Variants in ARFIP1 observed in about 807,000 individuals in gnomAD.
ARFIP1 encodes the protein arfaptin-1.
ARFIP1 carries 24 observed loss-of-function variants against 42.5 expected under a neutral mutation model. The observed-to-expected ratio is 0.57, with a 90% CI of 0.41 to 0.80. The LOEUF is 0.80. Among genes scored for constraint, ARFIP1 ranks in the 30% least tolerant of loss-of-function variants. The probability of loss-of-function intolerance (pLI) is 0.00; values close to 1 mark genes in which losing one functional copy is unlikely to be tolerated. For synonymous variants in ARFIP1, 141 were observed against 153.7 expected (o/e 0.92, Z 0.61); for missense variants, 354 against 434.0 (o/e 0.82, Z 1.64).
chr4:152,799,900 AT>A (rs1189866761), intron 1 of ARFIP1, among the ~76,000 whole-genome samples: 2 of 152,188 alleles, frequency 1.3e-5, no homozygotes, highest in Non-Finnish European at 2.9e-5. Context: ...TAAACTAGAA[AT>A]TTCCTGCTCA....
intron 1 of ARFIP1, among the ~76,000 whole-genome samples, chr4:152,792,947 C>A (rs188264018): frequency 6.6e-6 from 1 of 152,206 alleles, no homozygotes; most frequent in African/African-American, 2.4e-5. Flanking sequence ...TTAGCAAATA[C>A]CTCTGGCTGA....
At chr4:152,845,202 A>C (rs557927412) in intron 2 of ARFIP1, among the ~76,000 whole-genome samples, 1 of 152,360 alleles carries the variant, frequency 6.6e-6, no homozygotes, top group South Asian at 2.1e-4. Context: ...CGTATATAAA[A>C]AATTACTTCA....
chr4:152,881,304 T>C (rs753303689), intron 6 of ARFIP1, 120 bp downstream of exon 6: 4 of 771,262 alleles, frequency 5.2e-6, no homozygotes, highest in Non-Finnish European at 8.2e-6. Flanking sequence ...TGAGATTCTC[T>C]TTTAAGATAT....
chr4:152,853,068 A>G (rs535090950), intron 2 of ARFIP1, among the ~76,000 whole-genome samples: 1 of 152,308 alleles, frequency 6.6e-6, no homozygotes, highest in Admixed American at 6.5e-5. Context: ...CCTCAGCTAC[A>G]GTTGTCTCCA....
intron 1 of ARFIP1, among the ~76,000 whole-genome samples, chr4:152,829,243 C>T (rs1013458277): frequency 6.6e-6 from 1 of 152,138 alleles, no homozygotes; most frequent in Admixed American, 6.6e-5. Context: ...CTGCCCTGTG[C>T]TCTCATTTGT....
chr4:152,842,599 T>C (rs1732186279), intron 2 of ARFIP1, among the ~76,000 whole-genome samples: 1 of 152,170 alleles, frequency 6.6e-6, no homozygotes, highest in Non-Finnish European at 1.5e-5. Context: ...GGAGGCTTTG[T>C]TCATATTTTC....
chr4:152,847,588 C>T (rs1732666294), intron 2 of ARFIP1, among the ~76,000 whole-genome samples: 1 of 151,658 alleles, frequency 6.6e-6, no homozygotes, highest in East Asian at 1.9e-4. Flanking sequence ...AAGAATTATT[C>T]TTTAAAATTA....
At chr4:152,862,110 C>A (rs868401863) in intron 2 of ARFIP1, among the ~76,000 whole-genome samples, 1 of 152,304 alleles carries the variant, frequency 6.6e-6, no homozygotes, top group Non-Finnish European at 1.5e-5. Context: ...CCTTTAGCGA[C>A]GTTGGCCATG....
At chr4:152,826,215 A>G (rs1730822808) in intron 1 of ARFIP1, among the ~76,000 whole-genome samples, 1 of 152,194 alleles carries the variant, frequency 6.6e-6, no homozygotes, top group Admixed American at 6.5e-5. Context: ...TATGGAATCA[A>G]CCTCAGTGCC....
intron 8 of ARFIP1, among the ~76,000 whole-genome samples, chr4:152,890,872 C>T (rs1185657660): frequency 6.6e-6 from 1 of 152,098 alleles, no homozygotes; most frequent in East Asian, 1.9e-4. Flanking sequence ...TGCTTCTATT[C>T]TCAAGGATTT....
chr4:152,837,077 A>G (rs188944309), intron 2 of ARFIP1, among the ~76,000 whole-genome samples: 12 of 152,208 alleles, frequency 7.9e-5, no homozygotes, highest in South Asian at 2.1e-4. Flanking sequence ...GTAGTCTCCA[A>G]TCTCATCCAG....
intron 1 of ARFIP1, chr4:152,796,642 T>C: frequency 1.1e-6 from 1 of 891,336 alleles, no homozygotes; most frequent in Admixed American, 2.0e-5. Flanking sequence ...TTCATGCATC[T>C]TGATGGTCTT....
At chr4:152,818,790 A>G (rs955052127) in intron 1 of ARFIP1, among the ~76,000 whole-genome samples, 1 of 152,148 alleles carries the variant, frequency 6.6e-6, no homozygotes, top group African/African-American at 2.4e-5. Context: ...GCAGAACACT[A>G]TGGGTTGTGA....
chr4:152,811,865 G>A (rs1380689228), intron 1 of ARFIP1, among the ~76,000 whole-genome samples: 1 of 149,852 alleles, frequency 6.7e-6, no homozygotes, highest in Non-Finnish European at 1.5e-5. Context: ...CGATTTGTAT[G>A]TTGGCTGTTA....
intron 1 of ARFIP1, among the ~76,000 whole-genome samples, chr4:152,815,157 T>C (rs927762747): frequency 6.6e-6 from 1 of 152,104 alleles, no homozygotes; most frequent in South Asian, 2.1e-4. Context: ...TATCCCAGAG[T>C]GTAGTTTTTA....
intron 1 of ARFIP1, among the ~76,000 whole-genome samples, chr4:152,781,319 T>C (rs1730483340): frequency 6.7e-6 from 1 of 148,660 alleles, no homozygotes; most frequent in Admixed American, 6.9e-5. Context: ...CACCGCAACG[T>C]CCACCTCCCA....
chr4:152,878,745 GA>G (rs1446306922), intron 5 of ARFIP1, among the ~76,000 whole-genome samples: 1 of 151,968 alleles, frequency 6.6e-6, no homozygotes, highest in South Asian at 2.1e-4. Flanking sequence ...TTCTGTGGGG[GA>G]AAAAAAGGCC....
intron 8 of ARFIP1, among the ~76,000 whole-genome samples, chr4:152,892,542 G>C (rs183017331): frequency 6.6e-6 from 1 of 152,188 alleles, no homozygotes; most frequent in African/African-American, 2.4e-5. Context: ...TTCCCTCTTA[G>C]AACTTTTTTA....
At chr4:152,864,593 G>T (rs1734164153) in intron 3 of ARFIP1, among the ~76,000 whole-genome samples, 1 of 152,192 alleles carries the variant, frequency 6.6e-6, no homozygotes, top group Admixed American at 6.5e-5. Context: ...CTCCATGCTT[G>T]GGATTTTTAC....
Sources: gnomAD v4.1 joint callset for allele counts (sites outside exome capture counted in the v4.1 genomes callset) on GRCh38, gnomAD v4.1.1 for gene constraint, MANE v1.5 for transcripts, NCBI Gene and HGNC (gene_info 2026-07-23, HGNC 2026-07-21) for gene names.